The following IFNLR1 variants were observed in gnomAD, a reference collection of about 807,000 sequenced individuals.
IFNLR1 encodes the protein CRF2-12.
Under a neutral mutation model 52.5 loss-of-function variants are expected in IFNLR1, and 28 were observed. That is an observed-to-expected ratio of 0.53 (90% confidence interval 0.40 to 0.73). The LOEUF (loss-of-function observed/expected upper bound fraction) is 0.73. Ranked by LOEUF, IFNLR1 falls within the 30% of genes least tolerant of loss-of-function variation. The pLI is 0.00. For missense variants in IFNLR1, 623 were observed against 659.1 expected (o/e 0.95, Z 0.60); for synonymous variants, 276 against 274.9 (o/e 1.00, Z -0.04).
chr1:24,154,236 G>A lies in IFNLR1; in HGVS notation c.*2894C>T, dbSNP rs1345758823. ...TAATACCAACAAGCAGTAGGATATC[G>A]TTTAAATATGACATAAACATAGAAA... On this transcript the variant is annotated 3_prime_UTR_variant, in exon 7 of 7. Transcript: ENST00000327535. 2.0e-5 allele frequency: 3 copies of A among 151,980 alleles called. No homozygotes were observed. Among genetic ancestry groups the A allele is most frequent in the Non-Finnish European group, 2.9e-5 (2 of 68,006 alleles). The allele number at this position is 151,980 out of a possible 1,614,324, so 9.4% of individuals were successfully genotyped here. A position where few individuals can be genotyped will look rare whatever the true frequency, so the allele number is the denominator to read the frequency against.
intron 2 of IFNLR1, among the ~76,000 whole-genome samples, chr1:24,179,344 T>C (rs1452654136): frequency 6.6e-6 from 1 of 152,238 alleles, no homozygotes; most frequent in Non-Finnish European, 1.5e-5. Context: ...CCTTGGTGCT[T>C]CAGTCTCCTC....
chr1:24,181,184 T>C (rs577488119), intron 1 of IFNLR1, among the ~76,000 whole-genome samples: 1 of 152,226 alleles, frequency 6.6e-6, no homozygotes, highest in East Asian at 1.9e-4. Context: ...CTGCCTGCCA[T>C]GGCCTCAGCA....
Position 24,187,269 on chromosome 1 carries a change from C to G in IFNLR1, c.-21G>C. On this transcript the variant is annotated 5_prime_UTR_variant, in exon 1 of 7. Transcript: ENST00000327535. ...GCCATGGCCTTCCTGCCGCGGCGTC[C>G]CCGCCCGGGCCCAGGTCCCCGCCTC... is the stretch of plus-strand genomic sequence containing the variant. 7.9e-7 allele frequency: 1 copy of G among 1,262,176 alleles called. No homozygotes were observed. Among genetic ancestry groups the G allele is most frequent in the Non-Finnish European group, 1.0e-6 (1 of 1,002,258 alleles). The allele number at this position is 1,262,176 out of a possible 1,614,324, so 78.2% of individuals were successfully genotyped here. A position where few individuals can be genotyped will look rare whatever the true frequency, so the allele number is the denominator to read the frequency against.
intron 3 of IFNLR1, among the ~76,000 whole-genome samples, chr1:24,164,611 G>T (rs917032272): frequency 2.0e-5 from 3 of 152,118 alleles, no homozygotes; most frequent in Non-Finnish European, 2.9e-5. Context: ...GAAGTCCCCT[G>T]GTTTGATTGA....
chr1:24,164,759 CTTT>C (rs61550265), intron 3 of IFNLR1, among the ~76,000 whole-genome samples: 34,851 of 140,184 alleles, frequency 0.25, 4,114 homozygotes, highest in East Asian at 0.49. Flanking sequence ...GGAGCAATCT[CTTT>C]TTTTTTTTTT....
At chr1:24,186,325 G>C (rs1644738184) in intron 1 of IFNLR1, among the ~76,000 whole-genome samples, 1 of 152,082 alleles carries the variant, frequency 6.6e-6, no homozygotes, top group African/African-American at 2.4e-5. Context: ...TCCTTCTTGA[G>C]GAATTCCCTG....
rs146836989 is a variant in IFNLR1, at chr1:24,184,667, G to A, written c.58+2524C>T. Among the ~76,000 whole-genome samples the A allele has an allele frequency of 3.6e-3, 549 of 152,148 alleles. 4 individuals are homozygous for A. The highest frequency in any genetic ancestry group is 0.013 in the African/African-American group (534 of 41,476). Reference sequence around the variant, plus strand: ...TTGATTCAAATGTCACTTCCTCCAGGGAATCTTCCTTGACATATCTACGAG... The same window carrying A: ...TTGATTCAAATGTCACTTCCTCCAGAGAATCTTCCTTGACATATCTACGAG... On this transcript the variant is annotated intron_variant, in intron 1 of 6. Coordinates refer to ENST00000327535, the MANE Select transcript of IFNLR1 (RefSeq NM_170743.4).
At chr1:24,170,524 C>A (rs1208098822) in intron 2 of IFNLR1, among the ~76,000 whole-genome samples, 1 of 152,138 alleles carries the variant, frequency 6.6e-6, no homozygotes, top group Non-Finnish European at 1.5e-5. Context: ...CCACACCTGG[C>A]TAATTTTGTA....
intron 2 of IFNLR1, 143 bp downstream of exon 2, chr1:24,180,588 T>C: frequency 1.3e-6 from 1 of 751,368 alleles, no homozygotes; most frequent in East Asian, 2.7e-5. Flanking sequence ...CCTCTCCAAA[T>C]GCCGGCCACA....
Position 24,161,667 on chromosome 1 carries a change from C to A in IFNLR1, c.385G>T (p.Val129Phe). ...TCCTCCGTCTGGGTGAGCACCAGGA[C>A]AGGTGGGGCCGGCTCCACTGCAGAA... ...YLFEVEPAPP[V>F]LVLTQTEEIL... The change falls in exon 4 of 7, where the codon GTC (valine) becomes TTC (phenylalanine). Residue 129 changes from valine to phenylalanine, a missense_variant. Transcript: ENST00000327535. 6.6e-7 allele frequency: 1 copy of A among 1,511,528 alleles called. No individual in the cohort carries two copies. The highest frequency in any genetic ancestry group is 2.1e-5 in the Admixed American group (1 of 47,760). 93.6% of individuals were successfully genotyped at this position (1,511,528 alleles called of 1,614,324 possible). A position where few individuals can be genotyped will look rare whatever the true frequency, so the allele number is the denominator to read the frequency against.
intron 2 of IFNLR1, among the ~76,000 whole-genome samples, chr1:24,179,989 T>A (rs1644672249): frequency 6.6e-6 from 1 of 152,144 alleles, no homozygotes; most frequent in African/African-American, 2.4e-5. Flanking sequence ...TTGAGAATGA[T>A]CCCATCGGGA....
At chr1:24,167,684 C>T (rs1644533619) in intron 3 of IFNLR1, among the ~76,000 whole-genome samples, 1 of 147,510 alleles carries the variant, frequency 6.8e-6, no homozygotes, top group South Asian at 2.2e-4. Flanking sequence ...CATGGCTGGC[C>T]TCTTTTTATT....
In IFNLR1 at chr1:24,157,316, A is replaced by G. The variant is rs1172490036; in HGVS notation, c.1377T>C (p.Asn459=). 2 of 1,614,166 alleles carry G rather than the reference A, an allele frequency of 1.2e-6. No homozygotes were observed. Among genetic ancestry groups the G allele is most frequent in the Non-Finnish European group, 1.7e-6 (2 of 1,180,028 alleles). The change falls in exon 7 of 7, where the codon AAT becomes AAC. Residue 459 remains asparagine, a synonymous_variant. Coordinates refer to ENST00000327535, the MANE Select transcript of IFNLR1 (RefSeq NM_170743.4). The surrounding 1 kb of genome is among the most constrained non-coding windows in gnomAD (Gnocchi z 5.1). Reference sequence around the variant, plus strand: ...AAACTGGGGGTCCCCCAGGGACCAGATTCGGCTCCGGTGGTAAGGTGCCCC... The same window carrying G: ...AAACTGGGGGTCCCCCAGGGACCAGGTTCGGCTCCGGTGGTAAGGTGCCCC... The part of the protein sequence containing the change: ...ATWGTLPPEP[N]LVPGGPPVSL...
intron 3 of IFNLR1, among the ~76,000 whole-genome samples, chr1:24,166,200 TCCA>T (rs1456057803): frequency 5.3e-5 from 8 of 150,672 alleles, no homozygotes; most frequent in African/African-American, 2.0e-4. Context: ...CATCCATCCA[TCCA>T]TCCTTCCTTC....
chr1:24,174,188 C>A lies in IFNLR1; in HGVS notation c.183-4587G>T, dbSNP rs1644609672. Among the ~76,000 whole-genome samples, 4 of 152,334 alleles carry A rather than the reference C, an allele frequency of 2.6e-5. No homozygotes were observed. The East Asian group carries it at 7.7e-4, about 29-fold the overall frequency. ...GACACAGCAAGAAGGCAGCCATCTG[C>A]TAGCCAAGGAGAGAGGCTTCAGGAG... On this transcript the variant is annotated intron_variant, in intron 2 of 6. Transcript: ENST00000327535.
Position 24,157,191 on chromosome 1 carries a change from GC to G in IFNLR1, c.1501del (p.Ala501LeufsTer74). The G allele has an allele frequency of 6.2e-7, 1 of 1,614,058 alleles. No homozygotes were observed. The highest frequency in any genetic ancestry group is 8.5e-7 in the Non-Finnish European group (1 of 1,179,992). On this transcript the variant is annotated frameshift_variant, in exon 7 of 7. Transcript: ENST00000327535. LOFTEE classifies it high-confidence loss of function. This position sits in a 1 kb window ranked among gnomAD's most constrained non-coding sequence, Gnocchi z 5.1. The part of the protein sequence containing the change: ...IEDSDAGSWG[A>X]ESTQRTEDRG... ...GTCCTCGGTCCTCTGGGTGCTCTCA[GC>G]CCCCCAGCTGCCCGCATCGCTGTCC... is the stretch of plus-strand genomic sequence containing the variant.
intron 3 of IFNLR1, 37 bp from the exon 4 acceptor site, chr1:24,161,721 G>C (rs773914088): frequency 1.3e-4 from 183 of 1,451,414 alleles, no homozygotes; most frequent in Non-Finnish European, 1.0e-5. Context: ...GTAATCCCGA[G>C]GGGCCGCACT....
At chr1:24,161,236 A>T in intron 4 of IFNLR1, 1 of 556,520 alleles carries the variant, frequency 1.8e-6, no homozygotes, top group Non-Finnish European at 3.2e-6. Flanking sequence ...CACAGAAAAC[A>T]AATCTGAAAT....
intron 2 of IFNLR1, among the ~76,000 whole-genome samples, chr1:24,175,281 G>A (rs1050062423): frequency 1.3e-5 from 2 of 152,242 alleles, no homozygotes; most frequent in African/African-American, 4.8e-5. Context: ...CTCGAGGGTA[G>A]GGTCACCACC....
Sources: gnomAD v4.1 joint callset for allele counts (sites outside exome capture counted in the v4.1 genomes callset) on GRCh38, gnomAD v4.1.1 for gene constraint, Gnocchi (gnomAD v3.1) non-coding constraint, MANE v1.5 for transcripts, NCBI Gene and HGNC (gene_info 2026-07-23, HGNC 2026-07-21) for gene names.